The following COL6A5 variants were observed in gnomAD, a reference collection of about 807,000 sequenced individuals.
The protein encoded by COL6A5 is collagen alpha-5(VI) chain.
Under a neutral mutation model 65.6 loss-of-function variants are expected in COL6A5, and 48 were observed. The ratio of observed to expected loss-of-function variants is 0.73; its 90% CI spans 0.58 to 0.93. COL6A5 has a LOEUF of 0.93. Ranked by LOEUF, COL6A5 falls within the 40% of genes least tolerant of loss-of-function variation. COL6A5 has a pLI of 0.00. For synonymous variants in COL6A5, 291 were observed against 322.8 expected (o/e 0.90, Z 1.05); for missense variants, 914 against 928.3 (o/e 0.98, Z 0.20).
At chr3:130,399,485 T>G (rs1221540926) in intron 10 of COL6A5, among the ~76,000 whole-genome samples, 1 of 150,804 alleles carries the variant, frequency 6.6e-6, no homozygotes, top group Non-Finnish European at 1.5e-5. Flanking sequence ...ATTCTCCTGC[T>G]TCAGCCTCTG....
intron 4 of COL6A5, among the ~76,000 whole-genome samples, chr3:130,453,760 A>G (rs1358040578): frequency 6.6e-6 from 1 of 152,070 alleles, no homozygotes; most frequent in African/African-American, 2.4e-5. Context: ...TAATCACCCC[A>G]TCTTCTCAAA....
At position 130,470,533 on chromosome 3, in the gene COL6A5, A is replaced by T. The variant is rs1331433654; in HGVS notation, c.2232-338A>T. ...CCAGAACTTAAAGTATAATTAAAAA[A>T]AAAATAAAATATAAACATTTTTTAA... On this transcript the variant is annotated intron_variant, in intron 6 of 7. Coordinates refer to ENST00000512836, the Ensembl canonical transcript of COL6A5. 2.6e-5 allele frequency among the ~76,000 whole-genome samples: 4 copies of T among 152,092 alleles called. No homozygotes were observed. The East Asian group carries it at 7.7e-4, about 29-fold the overall frequency.
chr3:130,351,324 A>G (rs569741503), intron 1 of COL6A5, among the ~76,000 whole-genome samples: 17 of 152,344 alleles, frequency 1.1e-4, no homozygotes, highest in African/African-American at 4.1e-4. Flanking sequence ...GGATCTAATT[A>G]AACTAAAGAG....
chr3:130,473,175 C>T lies in COL6A5; in HGVS notation c.2328+2208C>T, dbSNP rs147571969. Among the ~76,000 whole-genome samples, 608 of 152,018 alleles carry T rather than the reference C, an allele frequency of 4.0e-3. 2 individuals are homozygous for T. Among genetic ancestry groups the T allele is most frequent in the Middle Eastern group, 0.02 (6 of 294 alleles). On this transcript the variant is annotated intron_variant, in intron 7 of 7. Coordinates refer to ENST00000512836, the Ensembl canonical transcript of COL6A5. ...AGGCCCATGTCACTTATCTTTTCCA[C>T]TGATTACAACTGAAAATTCTGGATG...
intron 23 of COL6A5, 86 bp downstream of exon 23, chr3:130,415,793 G>A (rs1937320979): frequency 1.7e-6 from 2 of 1,166,524 alleles, no homozygotes; most frequent in Non-Finnish European, 2.3e-6. Flanking sequence ...ATAATTTTTT[G>A]TATTATTTAC....
intron 20 of COL6A5, among the ~76,000 whole-genome samples, chr3:130,413,188 G>A (rs2107676408): frequency 6.6e-6 from 1 of 152,108 alleles, no homozygotes; most frequent in East Asian, 1.9e-4. Flanking sequence ...TTCTCCCATG[G>A]GAAGGCTCTG....
intron 21 of COL6A5, 73 bp downstream of exon 21, chr3:130,413,653 G>A: frequency 6.9e-7 from 1 of 1,451,212 alleles, no homozygotes; most frequent in Non-Finnish European, 9.5e-7. Context: ...GGTGGTGCTG[G>A]GAATCATATC....
chr3:130,398,662 C>T (rs948183607), intron 10 of COL6A5, among the ~76,000 whole-genome samples: 1 of 152,126 alleles, frequency 6.6e-6, no homozygotes, highest in Non-Finnish European at 1.5e-5. Flanking sequence ...TGATCTGAAC[C>T]ATGTACCTGG....
At chr3:130,391,701 T>G in exon 7 of COL6A5, 2 of 1,551,592 alleles carry the variant, frequency 1.3e-6, no homozygotes, top group Admixed American at 3.9e-5. Context: ...TTTGACAAAC[T>G]GAAAGATGTT....
chr3:130,450,509 G>A (rs1051312958), intron 4 of COL6A5, among the ~76,000 whole-genome samples: 2 of 152,144 alleles, frequency 1.3e-5, no homozygotes, highest in Non-Finnish European at 2.9e-5. Context: ...CCACAGAATA[G>A]CTTTGTGGGT....
At chr3:130,412,165 A>G (rs1937195998) in intron 20 of COL6A5, among the ~76,000 whole-genome samples, 1 of 152,196 alleles carries the variant, frequency 6.6e-6, no homozygotes, top group African/African-American at 2.4e-5. Context: ...CCATACACAA[A>G]GAATACTTCT....
At chr3:130,348,010 A>G (rs997001630) in intron 1 of COL6A5, among the ~76,000 whole-genome samples, 16 of 152,160 alleles carry the variant, frequency 1.1e-4, no homozygotes, top group Non-Finnish European at 1.9e-4. Context: ...CTGGTGCTTT[A>G]TGATACTTCC....
chr3:130,398,134 T>TTG (rs1553750584), intron 10 of COL6A5, 23 bp downstream of exon 10: 1 of 1,449,992 alleles, frequency 6.9e-7, no homozygotes, highest in Non-Finnish European at 9.3e-7. Context: ...TGTTGTTTTT[T>TTG]TTTTTTTTTT....
At chr3:130,375,857 C>T (rs769079119) in intron 2 of COL6A5, among the ~76,000 whole-genome samples, 1 of 152,114 alleles carries the variant, frequency 6.6e-6, no homozygotes, top group Non-Finnish European at 1.5e-5. Flanking sequence ...GATTCAATTA[C>T]CTCCTATTGG....
In COL6A5 at chr3:130,409,176, A is replaced by C. The variant is rs757641607; in HGVS notation, c.4480-150A>C. The stretch of plus-strand genomic sequence containing the variant: ...TGACCATAGGCTTAAAACTGGACTT[A>C]GTACTGCTTGAGAAGTCTGAGGGAA... On this transcript the variant is annotated intron_variant and NMD_transcript_variant, in intron 17 of 41. Transcript: ENST00000312481. The C allele has an allele frequency of 2.1e-4, 119 of 575,670 alleles. 1 individual carries two copies. The highest frequency in any genetic ancestry group is 3.9e-5 in the Non-Finnish European group (13 of 330,614). 35.7% of individuals were successfully genotyped at this position (575,670 alleles called of 1,614,324 possible). A position where few individuals can be genotyped will look rare whatever the true frequency, so the allele number is the denominator to read the frequency against.
chr3:130,481,291 G>A (rs914571768), intron 7 of COL6A5, among the ~76,000 whole-genome samples: 1 of 150,298 alleles, frequency 6.7e-6, no homozygotes. Context: ...GTGGGAACAT[G>A]TGGTGTTTGG....
At chr3:130,452,410 C>G (rs570410521) in intron 4 of COL6A5, among the ~76,000 whole-genome samples, 2 of 152,198 alleles carry the variant, frequency 1.3e-5, no homozygotes, top group South Asian at 4.1e-4. Context: ...AATAAAGGGA[C>G]AGAGTACAAA....
chr3:130,383,599 T>A (rs1936080846), intron 4 of COL6A5, among the ~76,000 whole-genome samples: 2 of 152,054 alleles, frequency 1.3e-5, no homozygotes, highest in East Asian at 3.9e-4. Flanking sequence ...TTTCTCAGGG[T>A]CAGACTTCTT....
upstream of COL6A5, chr3:130,431,289 T>G (rs1937789910): frequency 1.3e-6 from 1 of 747,742 alleles, no homozygotes; most frequent in Non-Finnish European, 2.3e-6. Context: ...TGTTAACAGC[T>G]TCAAGTTTGC....
Sources: allele counts gnomAD v4.1 joint callset (sites outside exome capture counted in the v4.1 genomes callset), GRCh38; gene constraint gnomAD v4.1.1; transcripts MANE v1.5; gene names NCBI Gene and HGNC (gene_info 2026-07-23, HGNC 2026-07-21).